Variants in SETBP1 observed in about 807,000 individuals in gnomAD.
The protein encoded by SETBP1 is SET binding protein 1.
SETBP1 carries 9 observed loss-of-function variants against 101.0 expected under a neutral mutation model. The observed-to-expected ratio is 0.09, with a 90% CI of 0.05 to 0.16. The LOEUF is 0.16. Among genes scored for constraint, SETBP1 ranks in the 10% least tolerant of loss-of-function variants. The pLI is 1.00. For synonymous variants in SETBP1, 818 were observed against 788.5 expected, an observed-to-expected ratio of 1.04 and a Z score of -0.63; for missense variants, 1,858 against 2,033.8, an observed-to-expected ratio of 0.91 and a Z score of 1.66.
At chr18:44,815,580 A>G (rs894169903) in intron 2 of SETBP1, among the ~76,000 whole-genome samples, 1 of 152,162 alleles carries the variant, frequency 6.6e-6, no homozygotes, top group Non-Finnish European at 1.5e-5. Flanking sequence ...GATGCTACTG[A>G]TACCTTTGCT....
At chr18:44,945,374 A>G (rs1361132275) in intron 3 of SETBP1, among the ~76,000 whole-genome samples, 1 of 152,230 alleles carries the variant, frequency 6.6e-6, no homozygotes, top group Non-Finnish European at 1.5e-5. Flanking sequence ...TCTACTTTAC[A>G]AAAGAATTCT....
In SETBP1 at chr18:44,813,136, C is replaced by G. The variant is rs147905065; in HGVS notation, c.487-56094C>G. 1.7e-3 allele frequency among the ~76,000 whole-genome samples: 264 copies of G among 152,214 alleles called. 3 individuals are homozygous for G. Among genetic ancestry groups the G allele is most frequent in the African/African-American group, 6.1e-3 (254 of 41,548 alleles). On this transcript the variant is annotated intron_variant, in intron 2 of 5. Transcript: ENST00000649279. ...TCTGTGACTTTGTCCACAAGTGTTT[C>G]TCTGAGAGTCTTTCCCACTGATGTC... is the stretch of plus-strand genomic sequence containing the variant.
chr18:44,794,305 G>T (rs192820164), intron 2 of SETBP1, among the ~76,000 whole-genome samples: 126 of 152,256 alleles, frequency 8.3e-4, no homozygotes, highest in African/African-American at 8.7e-4. Context: ...CTGAATTTTT[G>T]ATGCACTAAG....
At chr18:44,972,073 C>A (rs1306682842) in intron 4 of SETBP1, among the ~76,000 whole-genome samples, 1 of 152,192 alleles carries the variant, frequency 6.6e-6, no homozygotes, top group African/African-American at 2.4e-5. Flanking sequence ...GGAAGGGATC[C>A]AGTTTCAGCT....
chr18:44,913,741 T>C (rs2070365652), intron 3 of SETBP1, among the ~76,000 whole-genome samples: 1 of 152,202 alleles, frequency 6.6e-6, no homozygotes, highest in Non-Finnish European at 1.5e-5. Context: ...AGCTCAGAGC[T>C]GTATGTATGT....
chr18:45,033,958 T>G (rs1035216943), intron 4 of SETBP1, among the ~76,000 whole-genome samples: 1 of 152,160 alleles, frequency 6.6e-6, no homozygotes, highest in East Asian at 1.9e-4. Context: ...TTTTGTTTGT[T>G]TTTCTTCCTA....
intron 4 of SETBP1, among the ~76,000 whole-genome samples, chr18:45,035,667 A>G (rs11664575): frequency 0.79 from 120,044 of 152,178 alleles, 47,720 homozygotes; most frequent in Middle Eastern, 0.85. Context: ...AGCATAATTT[A>G]AACAAAGAAT....
At chr18:45,005,796 G>A (rs4890499) in intron 4 of SETBP1, among the ~76,000 whole-genome samples, 42,302 of 149,722 alleles carry the variant, frequency 0.28, 6,087 homozygotes, top group East Asian at 0.49. Context: ...ACAGGCGCCT[G>A]CCACCACGCC....
At chr18:44,973,442 A>G (rs1485610316) in intron 4 of SETBP1, among the ~76,000 whole-genome samples, 1 of 152,188 alleles carries the variant, frequency 6.6e-6, no homozygotes, top group Non-Finnish European at 1.5e-5. Flanking sequence ...AATCTAATAT[A>G]TGGAGACCCA....
chr18:45,055,516 G>C (rs1189110517), intron 5 of SETBP1, among the ~76,000 whole-genome samples: 2 of 151,938 alleles, frequency 1.3e-5, no homozygotes, highest in East Asian at 3.9e-4. Flanking sequence ...TTTTTAAGGA[G>C]AGCCAAGCAA....
intron 5 of SETBP1, among the ~76,000 whole-genome samples, chr18:45,046,686 T>TA (rs1225042200): frequency 2.0e-5 from 3 of 152,212 alleles, no homozygotes; most frequent in African/African-American, 7.2e-5. Context: ...TTTGTATGTG[T>TA]TAGTCTTGCA....
At chr18:44,831,930 G>A (rs1303235399) in intron 2 of SETBP1, among the ~76,000 whole-genome samples, 1 of 152,112 alleles carries the variant, frequency 6.6e-6, no homozygotes, top group Non-Finnish European at 1.5e-5. Flanking sequence ...ATCCTGCTGT[G>A]TTTTCACTCT....
intron 2 of SETBP1, among the ~76,000 whole-genome samples, chr18:44,703,536 C>CTAGGGTGACTGACTCCT (rs1261843113): frequency 6.6e-6 from 1 of 151,716 alleles, no homozygotes; most frequent in Non-Finnish European, 1.5e-5. Flanking sequence ...AAGAGACTTT[C>CTAGGGTGACTGACTCCT]TAGGGTGACT....
intron 2 of SETBP1, among the ~76,000 whole-genome samples, chr18:44,740,173 G>A (rs1372711061): frequency 1.3e-5 from 2 of 152,178 alleles, no homozygotes. Flanking sequence ...GGGCTCCAAG[G>A]ATTCAATGGT....
intron 1 of SETBP1, among the ~76,000 whole-genome samples, chr18:44,687,072 G>A (rs2068852065): frequency 6.6e-6 from 1 of 152,222 alleles, no homozygotes; most frequent in Admixed American, 6.5e-5. Flanking sequence ...CCGCTCTTCA[G>A]TGATGGAGTG....
chr18:44,714,775 G>C (rs1377357324), intron 2 of SETBP1, among the ~76,000 whole-genome samples: 1 of 151,888 alleles, frequency 6.6e-6, no homozygotes, highest in Non-Finnish European at 1.5e-5. Context: ...ATTGATCTCA[G>C]GACATTTAGG....
At chr18:44,887,282 T>C (rs1387581782) in intron 3 of SETBP1, among the ~76,000 whole-genome samples, 1 of 152,140 alleles carries the variant, frequency 6.6e-6, no homozygotes, top group Non-Finnish European at 1.5e-5. Context: ...CTAGTGGGCC[T>C]TTGGGACATG....
intron 2 of SETBP1, among the ~76,000 whole-genome samples, chr18:44,755,825 A>G (rs2070479344): frequency 6.6e-6 from 1 of 152,068 alleles, no homozygotes; most frequent in African/African-American, 2.4e-5. Flanking sequence ...GAAGATCCTA[A>G]CCAATACAGC....
At chr18:44,730,903 A>G (rs2144396333) in intron 2 of SETBP1, among the ~76,000 whole-genome samples, 1 of 152,342 alleles carries the variant, frequency 6.6e-6, no homozygotes, top group South Asian at 2.1e-4. Context: ...TCATGTTGTC[A>G]GGGTTGTGGA....
Sources: allele counts gnomAD v4.1 joint callset (sites outside exome capture counted in the v4.1 genomes callset), GRCh38; gene constraint gnomAD v4.1.1; transcripts MANE v1.5; gene names NCBI Gene and HGNC (gene_info 2026-07-23, HGNC 2026-07-21).